ITGAV: variants seen among roughly 807,000 people sequenced by gnomAD.
ITGAV encodes integrin subunit alpha V, also known as integrin alpha-V.
A neutral mutation model predicts 143.8 loss-of-function variants in ITGAV; 76 were observed. The ratio of observed to expected loss-of-function variants is 0.53; its 90% CI spans 0.44 to 0.64. The LOEUF (loss-of-function observed/expected upper bound fraction) is 0.64, where lower values mean the gene tolerates loss of function less well. Among genes scored for constraint, ITGAV ranks in the 30% least tolerant of loss-of-function variants. The pLI, the probability that ITGAV is intolerant of heterozygous loss-of-function variation, is 0.00. For synonymous variants in ITGAV, 453 were observed against 446.7 expected (o/e 1.01, Z -0.18); for missense variants, 1,193 against 1,274.7 (o/e 0.94, Z 0.98).
intron 2 of ITGAV, among the ~76,000 whole-genome samples, chr2:186,617,427 C>G (rs1017343822): frequency 2.6e-5 from 4 of 152,188 alleles, no homozygotes; most frequent in African/African-American, 4.8e-5. Flanking sequence ...CTACGACAAT[C>G]CGGTTTTCTC....
At chr2:186,642,475 A>T (rs923938059) in intron 12 of ITGAV, among the ~76,000 whole-genome samples, 2 of 151,026 alleles carry the variant, frequency 1.3e-5, no homozygotes, top group Non-Finnish European at 3.0e-5. Context: ...CATTTACTAG[A>T]TGTGTCATCT....
At chr2:186,622,503 TCAGGC>T in intron 3 of ITGAV, 73 bp downstream of exon 3, 1 of 1,002,868 alleles carries the variant, frequency 1.0e-6, no homozygotes, top group Non-Finnish European at 1.6e-6. Flanking sequence ...TTTTATATTT[TCAGGC>T]TGATAGTAAA....
At chr2:186,600,402 TTCTC>T in intron 1 of ITGAV, 1 of 1,526,590 alleles carries the variant, frequency 6.6e-7, no homozygotes, top group South Asian at 1.2e-5. Flanking sequence ...TAGAAATAAC[TTCTC>T]TGTCTACTTT....
chr2:186,638,509 G>GT, intron 10 of ITGAV, 44 bp downstream of exon 10: 1 of 1,471,588 alleles, frequency 6.8e-7, no homozygotes. Flanking sequence ...TATAAAAGCA[G>GT]TATGTACTCA....
intron 2 of ITGAV, among the ~76,000 whole-genome samples, chr2:186,602,362 A>G (rs1376974710): frequency 6.6e-6 from 1 of 152,176 alleles, no homozygotes; most frequent in Admixed American, 6.5e-5. Context: ...TTGTGTTTCC[A>G]TTGGTTCAGA....
At chr2:186,646,366 T>A (rs1688256976) in intron 12 of ITGAV, among the ~76,000 whole-genome samples, 1 of 152,176 alleles carries the variant, frequency 6.6e-6, no homozygotes, top group African/African-American at 2.4e-5. Context: ...CCAGAAAGTT[T>A]AAGTGATTGG....
At chr2:186,591,125 G>A (rs1686604885) in intron 1 of ITGAV, among the ~76,000 whole-genome samples, 1 of 152,196 alleles carries the variant, frequency 6.6e-6, no homozygotes, top group Non-Finnish European at 1.5e-5. Context: ...ATTTGAGGTT[G>A]AACAGATGAA....
chr2:186,663,131 A>G (rs1316146271), intron 18 of ITGAV, among the ~76,000 whole-genome samples: 1 of 151,874 alleles, frequency 6.6e-6, no homozygotes, highest in Non-Finnish European at 1.5e-5. Flanking sequence ...GTGGGGAAAA[A>G]GTTCAGGTCT....
chr2:186,677,252 T>C lies in ITGAV; in HGVS notation c.3107T>C (p.Leu1036Pro). ...PPQEEQEREQ[L>P]QPHENGEGNS... The stretch of plus-strand genomic sequence containing the variant: ...CAAGAAGAACAAGAAAGGGAGCAGC[T>C]TCAACCTCATGAAAATGGTGAAGGA... The change falls in exon 30 of 30, where the codon CTT (leucine) becomes CCT (proline). Residue 1036 changes from leucine to proline, a missense_variant. Leu to Pro is a moderately conservative substitution (Grantham distance 98). Coordinates refer to ENST00000261023, the MANE Select transcript of ITGAV (RefSeq NM_002210.5). 1 of 1,613,774 alleles carries C rather than the reference T, an allele frequency of 6.2e-7. No homozygotes were observed. The highest frequency in any genetic ancestry group is 2.2e-5 in the East Asian group (1 of 44,858).
chr2:186,599,275 C>G (rs560734357), intron 1 of ITGAV, among the ~76,000 whole-genome samples: 4 of 151,878 alleles, frequency 2.6e-5, no homozygotes, highest in Non-Finnish European at 2.9e-5. Context: ...TTTACTTTAT[C>G]TTCTTTCTCT....
At chr2:186,661,723 A>G (rs1688751616) in intron 18 of ITGAV, among the ~76,000 whole-genome samples, 1 of 151,634 alleles carries the variant, frequency 6.6e-6, no homozygotes, top group Non-Finnish European at 1.5e-5. Flanking sequence ...CAGCCTCCTG[A>G]GTAGCTGGGA....
chr2:186,646,740 T>C lies in ITGAV; in HGVS notation c.1214T>C (p.Ile405Thr). ...GAAGATAAAAAAGGAATTGTTTATA[T>C]CTTCAATGGAAGATCAACAGGCTTG... Reference protein sequence around the residue: ...GGEDKKGIVYIFNGRSTGLNA... With the variant: ...GGEDKKGIVYTFNGRSTGLNA... The change falls in exon 13 of 30, where the codon ATC becomes ACC. Residue 405 changes from isoleucine to threonine, a missense_variant. Ile to Thr is a moderately conservative substitution (Grantham distance 89). Coordinates refer to ENST00000261023, the MANE Select transcript of ITGAV (RefSeq NM_002210.5). 4 of 1,609,700 alleles carry C rather than the reference T, an allele frequency of 2.5e-6. No individual in the cohort carries two copies. In the South Asian group the frequency reaches 3.3e-5, roughly 13 times the overall value.
At chr2:186,632,421 C>G (rs201061486) in intron 5 of ITGAV, among the ~76,000 whole-genome samples, 1 of 149,418 alleles carries the variant, frequency 6.7e-6, no homozygotes, top group African/African-American at 2.5e-5. Context: ...CTTAGAAGTT[C>G]TTTTACGTAG....
chr2:186,664,740 C>A, intron 20 of ITGAV, 99 bp downstream of exon 20: 2 of 1,398,130 alleles, frequency 1.4e-6, no homozygotes, highest in Non-Finnish European at 1.0e-6. Flanking sequence ...CTTAGCTATT[C>A]TACCTAAGGC....
rs200254694 is a variant in ITGAV at position 186,659,149 on chromosome 2, T to C, written c.1831T>C (p.Phe611Leu). The change falls in exon 18 of 30, where the codon TTC (phenylalanine) becomes CTC (leucine). Residue 611 changes from phenylalanine (F) to leucine (L), a missense_variant. Phe to Leu is a conservative substitution (Grantham distance 22). Transcript: ENST00000261023. The stretch of plus-strand genomic sequence containing the variant: ...AGGCTTGCAACCCATTCTTAACCAG[T>C]TCACGCCTGCTAACATTAGTCGACA... Reference protein sequence around the residue: ...TTGLQPILNQFTPANISRQAH... With the variant: ...TTGLQPILNQLTPANISRQAH... The C allele has an allele frequency of 7.5e-6, 12 of 1,610,544 alleles. No individual in the cohort carries two copies. The Admixed American group carries it at 1.3e-4, about 18-fold the overall frequency.
chr2:186,652,931 A>ATTTTTTTTT (rs35139936), intron 15 of ITGAV, among the ~76,000 whole-genome samples: 10 of 82,450 alleles, frequency 1.2e-4, no homozygotes, highest in African/African-American at 2.0e-4. Context: ...TTCATTATAG[A>ATTTTTTTTT]TTTTTTTTTT....
intron 5 of ITGAV, 87 bp downstream of exon 5, chr2:186,630,945 T>C (rs1015973598): frequency 1.5e-5 from 10 of 651,046 alleles, no homozygotes; most frequent in Non-Finnish European, 2.5e-5. Flanking sequence ...ATACCTCAAC[T>C]CCTTTACAGC....
chr2:186,611,427 T>C (rs1384138375), intron 2 of ITGAV, among the ~76,000 whole-genome samples: 1 of 152,164 alleles, frequency 6.6e-6, no homozygotes, highest in South Asian at 2.1e-4. Context: ...GGTCTTGCTA[T>C]GTTAGACCAG....
At chr2:186,638,511 A>G (rs1420138599) in intron 10 of ITGAV, 46 bp downstream of exon 10, 2 of 1,461,696 alleles carry the variant, frequency 1.4e-6, no homozygotes, top group Admixed American at 3.5e-5. Context: ...TAAAAGCAGT[A>G]TGTACTCATT....
Sources: gnomAD v4.1 joint callset for allele counts (sites outside exome capture counted in the v4.1 genomes callset) on GRCh38, gnomAD v4.1.1 for gene constraint, MANE v1.5 for transcripts, NCBI Gene and HGNC (gene_info 2026-07-23, HGNC 2026-07-21) for gene names.